FAR1: variants seen among roughly 807,000 people sequenced by gnomAD.
FAR1 encodes the protein fatty acyl-CoA reductase 1, also known as male sterility domain-containing protein 2.
In FAR1, 22 loss-of-function variants were observed where a neutral mutation model predicts 61.1. The ratio of observed to expected loss-of-function variants is 0.36; its 90% CI spans 0.26 to 0.51. The LOEUF is 0.51. Ranked by LOEUF, FAR1 falls within the 20% of genes least tolerant of loss-of-function variation. FAR1 has a pLI of 0.95. For synonymous variants in FAR1, 206 were observed against 209.7 expected, an observed-to-expected ratio of 0.98 and a Z score of 0.15; for missense variants, 359 against 626.9, an observed-to-expected ratio of 0.57 and a Z score of 4.56.
At chr11:13,678,411 C>G (rs1053274620) in intron 1 of FAR1, among the ~76,000 whole-genome samples, 1 of 152,102 alleles carries the variant, frequency 6.6e-6, no homozygotes, top group Non-Finnish European at 1.5e-5. Flanking sequence ...ACTACAGATG[C>G]CTGCCACCAT....
At position 13,727,616 on chromosome 11, in the gene FAR1, G is replaced by C. The variant is rs1848680488; in HGVS notation, c.1318G>C (p.Gly440Arg). The change falls in exon 11 of 12, where the codon GGA (glycine) becomes CGA (arginine). Residue 440 changes from glycine to arginine, a missense_variant. Around this residue, in one of 2 missense-constraint regions of FAR1, gnomAD observed 344 missense variants for 570.3 expected, o/e 0.60. Coordinates refer to ENST00000354817, the MANE Select transcript of FAR1 (RefSeq NM_032228.6). Reference protein sequence around the residue: ...WAEYIENYCLGTKKYVLNEEM... With the variant: ...WAEYIENYCLRTKKYVLNEEM... The stretch of plus-strand genomic sequence containing the variant: ...AGAATATATAGAGAACTACTGCTTG[G>C]GAACTAAGAAGTACGTATTGAATGA... 1 of 1,610,806 alleles carries C rather than the reference G, an allele frequency of 6.2e-7. No homozygotes were observed. The highest frequency in any genetic ancestry group is 8.5e-7 in the Non-Finnish European group (1 of 1,177,860).
At chr11:13,683,682 A>G (rs538292239) in intron 1 of FAR1, among the ~76,000 whole-genome samples, 1 of 152,200 alleles carries the variant, frequency 6.6e-6, no homozygotes, top group South Asian at 2.1e-4. Flanking sequence ...GCTTAGCTTC[A>G]TTGGTAGGTT....
At chr11:13,707,052 G>A (rs1173605246) in intron 3 of FAR1, among the ~76,000 whole-genome samples, 1 of 151,968 alleles carries the variant, frequency 6.6e-6, no homozygotes, top group African/African-American at 2.4e-5. Flanking sequence ...TCATACAAAT[G>A]TTTCATATTT....
chr11:13,717,133 C>T (rs1229455854), intron 9 of FAR1, among the ~76,000 whole-genome samples: 1 of 151,914 alleles, frequency 6.6e-6, no homozygotes. Flanking sequence ...GCTTCTTCCC[C>T]ACTCATCCTG....
At chr11:13,677,693 C>T (rs1848083234) in intron 1 of FAR1, among the ~76,000 whole-genome samples, 2 of 152,172 alleles carry the variant, frequency 1.3e-5, no homozygotes, top group African/African-American at 2.4e-5. Context: ...TAGAACAGTG[C>T]CTGTCAAGCT....
In FAR1 at chr11:13,711,812, A is replaced by G. The variant is rs777665419; in HGVS notation, c.768+4A>G. The G allele has an allele frequency of 3.1e-6, 5 of 1,598,740 alleles. No homozygotes were observed. The African/African-American group carries it at 6.8e-5, about 22-fold the overall frequency. On this transcript the variant is annotated splice_donor_region_variant and intron_variant, in intron 6 of 11. Coordinates refer to ENST00000354817, the MANE Select transcript of FAR1 (RefSeq NM_032228.6). ...ACCAAGTGGTCTCTTTATTGCGGTAAGTAAACCTTTTGATTTATTTAATAT... is the reference window on the plus strand; with the variant it reads ...ACCAAGTGGTCTCTTTATTGCGGTAGGTAAACCTTTTGATTTATTTAATAT...
intron 1 of FAR1, among the ~76,000 whole-genome samples, chr11:13,677,912 A>G (rs1018818479): frequency 3.3e-5 from 5 of 152,244 alleles, no homozygotes; most frequent in Admixed American, 1.3e-4. Flanking sequence ...AATTGTATCA[A>G]TATATTCTCT....
intron 1 of FAR1, among the ~76,000 whole-genome samples, chr11:13,672,969 A>G (rs1848026784): frequency 6.6e-6 from 1 of 152,130 alleles, no homozygotes; most frequent in Non-Finnish European, 1.5e-5. Context: ...CTTCCTACAC[A>G]TTGGTTCTAT....
intron 1 of FAR1, among the ~76,000 whole-genome samples, chr11:13,678,584 A>G (rs1438403410): frequency 1.3e-5 from 2 of 152,186 alleles, no homozygotes; most frequent in Admixed American, 6.5e-5. Context: ...TTTATAGTCC[A>G]TCAGGAGGCT....
chr11:13,725,617 G>A (rs938405803), intron 10 of FAR1, among the ~76,000 whole-genome samples: 3 of 152,164 alleles, frequency 2.0e-5, no homozygotes, highest in South Asian at 2.1e-4. Context: ...ATGCAGACTT[G>A]GACAATGTAC....
chr11:13,694,460 G>C (rs1353214115), intron 1 of FAR1, among the ~76,000 whole-genome samples: 1 of 152,140 alleles, frequency 6.6e-6, no homozygotes, highest in Non-Finnish European at 1.5e-5. Flanking sequence ...CTTATTGCTG[G>C]AAGGAATTTT....
At chr11:13,710,550 CT>C in intron 4 of FAR1, 142 bp from the exon 5 acceptor site, 1 of 644,626 alleles carries the variant, frequency 1.6e-6, no homozygotes. Context: ...AAAAATAAGA[CT>C]AAGTTCCATT....
At chr11:13,683,422 A>G (rs1481129267) in intron 1 of FAR1, among the ~76,000 whole-genome samples, 6 of 152,148 alleles carry the variant, frequency 3.9e-5, no homozygotes, top group Admixed American at 3.9e-4. Context: ...AGCATTGGAT[A>G]TGGGTGTGTT....
intron 10 of FAR1, among the ~76,000 whole-genome samples, chr11:13,722,319 A>G (rs1320637055): frequency 2.0e-5 from 3 of 152,152 alleles, no homozygotes; most frequent in Non-Finnish European, 4.4e-5. Context: ...ATGTTTTAAC[A>G]TGTATATCTA....
At chr11:13,727,952 G>GT (rs1194600913) in intron 11 of FAR1, among the ~76,000 whole-genome samples, 10 of 151,898 alleles carry the variant, frequency 6.6e-5, no homozygotes, top group Non-Finnish European at 4.4e-5. Context: ...GCTTAGGAAA[G>GT]TTATATTTGC....
intron 1 of FAR1, chr11:13,670,233 C>G (rs1847982442): frequency 6.6e-6 from 1 of 151,936 alleles, no homozygotes; most frequent in Admixed American, 6.6e-5. Context: ...CACCCAGGCC[C>G]TGTTATTCCA....
chr11:13,716,091 T>C (rs1257952233), intron 9 of FAR1, among the ~76,000 whole-genome samples: 1 of 152,198 alleles, frequency 6.6e-6, no homozygotes, highest in Admixed American at 6.5e-5. Flanking sequence ...ATACTTGCCA[T>C]TGGAAGCATT....
intron 2 of FAR1, among the ~76,000 whole-genome samples, chr11:13,695,459 A>G (rs1202533831): frequency 6.6e-6 from 1 of 152,174 alleles, no homozygotes; most frequent in Non-Finnish European, 1.5e-5. Context: ...GCCTTTGGAA[A>G]AATATTACTA....
Position 13,700,505 on chromosome 11 carries a change from AATTAT to A in FAR1, c.365+16_365+20del. The A allele has an allele frequency of 4.3e-6, 6 of 1,405,916 alleles. No homozygotes were observed. Among genetic ancestry groups the A allele is most frequent in the Non-Finnish European group, 5.7e-6 (6 of 1,050,578 alleles). The allele number at this position is 1,405,916 out of a possible 1,614,324, so 87.1% of individuals were successfully genotyped here. The stretch of plus-strand genomic sequence containing the variant: ...ATGAAAATTTAAGGTAAGTACAAGT[AATTAT>A]ATAATATTTGAACTTCAGTATAGTT... On this transcript the variant is annotated intron_variant, in intron 3 of 11. Transcript: ENST00000354817.
Sources: allele counts gnomAD v4.1 joint callset (sites outside exome capture counted in the v4.1 genomes callset), GRCh38; gene constraint gnomAD v4.1.1; regional missense constraint gnomAD v4.1.1; transcripts MANE v1.5; gene names NCBI Gene and HGNC (gene_info 2026-07-23, HGNC 2026-07-21).